The following PAPPA2 variants were observed in gnomAD, a reference collection of about 807,000 sequenced individuals.
PAPPA2 encodes the protein pappalysin-2.
A neutral mutation model predicts 176.4 loss-of-function variants in PAPPA2; 86 were observed. That is an observed-to-expected ratio of 0.49 (90% CI 0.41 to 0.58). The LOEUF (loss-of-function observed/expected upper bound fraction) is 0.58. Ranked by LOEUF, PAPPA2 falls within the 20% of genes least tolerant of loss-of-function variation. PAPPA2 has a pLI of 0.00. For missense variants in PAPPA2, 2,073 were observed against 2,256.9 expected, an observed-to-expected ratio of 0.92 and a Z score of 1.65; for synonymous variants, 809 against 852.2, an observed-to-expected ratio of 0.95 and a Z score of 0.88.
chr1:176,476,034 A>C lies in PAPPA2; in HGVS notation c.-917+12616A>C, dbSNP rs538728376. 1.9e-4 allele frequency among the ~76,000 whole-genome samples: 27 copies of C among 145,538 alleles called. No individual in the cohort carries two copies. In the East Asian group the frequency reaches 5.0e-3, roughly 27 times the overall value. On this transcript the variant is annotated intron_variant, in intron 1 of 22. Transcript: ENST00000367662. ...GTAGTTATTTGGTGCTGTGACTTTA[A>C]AAGGTTTTTGTAAATTTTGGAGCAA...
In PAPPA2 at chr1:176,808,706, T is replaced by G. The variant is rs1666015148; in HGVS notation, c.5202+8574T>G. Among the ~76,000 whole-genome samples the G allele has an allele frequency of 1.3e-5, 2 of 152,134 alleles. 1 individual carries two copies. The highest frequency in any genetic ancestry group is 4.1e-4 in the South Asian group (2 of 4,826). ...GTTTTGTCATTAATCTCACCATGGA[T>G]CTCATTCTACTTTCCCTTTAGGGTT... On this transcript the variant is annotated intron_variant, in intron 21 of 22. Coordinates refer to ENST00000367662, the MANE Select transcript of PAPPA2 (RefSeq NM_020318.3).
At position 176,699,475 on chromosome 1, in the gene PAPPA2, A is replaced by G. The variant is rs770492379; in HGVS notation, c.3122A>G (p.His1041Arg). ...IDAALLTSQP[H>R]SPLCSGCRPV... ...GCAGCACTCCTGACTTCTCAGCCCCACAGTCCCTTGTGCTCTGGCTGCAGG... is the reference window on the plus strand; with the variant it reads ...GCAGCACTCCTGACTTCTCAGCCCCGCAGTCCCTTGTGCTCTGGCTGCAGG... The change falls in exon 8 of 23, where the codon CAC becomes CGC. Residue 1041 changes from histidine to arginine, a missense_variant. This residue lies in a region of PAPPA2 where 1,196 missense variants were observed against 1,330.4 expected (regional missense o/e 0.90). Transcript: ENST00000367662. 157 of 1,613,950 alleles carry G rather than the reference A, an allele frequency of 9.7e-5. No homozygotes were observed. The highest frequency in any genetic ancestry group is 1.3e-4 in the Admixed American group (8 of 60,004).
intron 1 of PAPPA2, among the ~76,000 whole-genome samples, chr1:176,487,831 G>C (rs1300055234): frequency 6.6e-6 from 1 of 152,094 alleles, no homozygotes; most frequent in Non-Finnish European, 1.5e-5. Flanking sequence ...GGGAAGAAGT[G>C]AAAAATAAGA....
chr1:176,636,678 C>A (rs1294444423), intron 3 of PAPPA2, among the ~76,000 whole-genome samples: 1 of 152,070 alleles, frequency 6.6e-6, no homozygotes, highest in Non-Finnish European at 1.5e-5. Flanking sequence ...GGTGCTTGAA[C>A]TCTACAAAAA....
At chr1:176,783,805 G>A (rs1200201460) in intron 17 of PAPPA2, among the ~76,000 whole-genome samples, 1 of 152,184 alleles carries the variant, frequency 6.6e-6, no homozygotes, top group Admixed American at 6.5e-5. Flanking sequence ...CACCTTACTA[G>A]CATGAGAAGG....
chr1:176,699,710 G>A (rs1660559846), intron 8 of PAPPA2, 121 bp downstream of exon 8: 5 of 1,446,362 alleles, frequency 3.5e-6, no homozygotes, highest in Non-Finnish European at 2.8e-6. Context: ...GACTTTCAGA[G>A]GGGATTTTAC....
chr1:176,707,243 G>C (rs140273667), intron 10 of PAPPA2, among the ~76,000 whole-genome samples: 127 of 152,308 alleles, frequency 8.3e-4, no homozygotes, highest in African/African-American at 3.0e-3. Flanking sequence ...AAAGTCGAAT[G>C]TGATTACAAT....
At chr1:176,664,042 T>A (rs1393227967) in intron 3 of PAPPA2, among the ~76,000 whole-genome samples, 3 of 152,178 alleles carry the variant, frequency 2.0e-5, no homozygotes, top group African/African-American at 7.2e-5. Flanking sequence ...CAGGGTTTTT[T>A]AAAACAAATC....
At chr1:176,776,499 A>G (rs1367161753) in intron 17 of PAPPA2, among the ~76,000 whole-genome samples, 1 of 152,204 alleles carries the variant, frequency 6.6e-6, no homozygotes, top group Non-Finnish European at 1.5e-5. Context: ...GCTGAAATTA[A>G]TAGGCCCCAC....
chr1:176,561,097 C>T (rs975414982), intron 2 of PAPPA2, among the ~76,000 whole-genome samples: 1 of 151,174 alleles, frequency 6.6e-6, no homozygotes, highest in African/African-American at 2.4e-5. Context: ...GCAGGCCAAC[C>T]TGGCAACAGA....
chr1:176,835,331 C>T (rs1667231065), intron 21 of PAPPA2, among the ~76,000 whole-genome samples: 1 of 152,292 alleles, frequency 6.6e-6, no homozygotes, highest in South Asian at 2.1e-4. Flanking sequence ...TTCAAGGTGT[C>T]ATCTAGCCTT....
intron 1 of PAPPA2, among the ~76,000 whole-genome samples, chr1:176,540,637 A>G (rs1451426164): frequency 1.3e-5 from 2 of 152,194 alleles, no homozygotes; most frequent in Non-Finnish European, 2.9e-5. Flanking sequence ...AGCCACAATG[A>G]CTTAACTTTC....
In PAPPA2 at chr1:176,595,432, G is replaced by T. The variant is rs1207933932; in HGVS notation, c.1828G>T (p.Gly610Cys). 6.2e-7 allele frequency: 1 copy of T among 1,614,212 alleles called. No individual in the cohort carries two copies. ...GCACCCACTCACAGGCTATGATGGG[G>T]GTGACTGCCGCCTGCAGGGCCGCTG... ...CEHPLTGYDG[G>C]DCRLQGRCYS... is the part of the protein sequence containing the mutation. The change falls in exon 3 of 23, where the codon GGT (glycine) becomes TGT (cysteine). Residue 610 changes from glycine (G) to cysteine (C), a missense_variant. Around this residue, in one of 4 missense-constraint regions of PAPPA2, gnomAD observed 1,196 missense variants for 1,330.4 expected, o/e 0.90. Transcript: ENST00000367662.
At chr1:176,524,635 T>C (rs1649381496) in intron 1 of PAPPA2, among the ~76,000 whole-genome samples, 1 of 152,160 alleles carries the variant, frequency 6.6e-6, no homozygotes, top group Non-Finnish European at 1.5e-5. Flanking sequence ...CTGTTCAGCA[T>C]GGGGTAAAGA....
rs75283174 is a variant in PAPPA2, at chr1:176,527,570, C to A, written c.-916-27837C>A. On this transcript the variant is annotated intron_variant, in intron 1 of 22. Coordinates refer to ENST00000367662, the MANE Select transcript of PAPPA2 (RefSeq NM_020318.3). ...ATATGCTCACTGCATATGTTTTGGGCTGAATGATTGGTTAATATCTCAGAA... is the reference window on the plus strand; with the variant it reads ...ATATGCTCACTGCATATGTTTTGGGATGAATGATTGGTTAATATCTCAGAA... 1.3e-3 allele frequency among the ~76,000 whole-genome samples: 193 copies of A among 152,280 alleles called. 2 individuals are homozygous for A. The East Asian group carries it at 0.031, about 25-fold the overall frequency.
intron 15 of PAPPA2, among the ~76,000 whole-genome samples, chr1:176,768,906 A>C (rs906889358): frequency 2.0e-5 from 3 of 152,186 alleles, no homozygotes; most frequent in African/African-American, 7.2e-5. Context: ...CTGGCTTATT[A>C]ATAAGAGTGC....
At chr1:176,603,175 G>T (rs1573110829) in intron 3 of PAPPA2, among the ~76,000 whole-genome samples, 1 of 152,314 alleles carries the variant, frequency 6.6e-6, no homozygotes, top group Admixed American at 6.5e-5. Context: ...AAATACTTCG[G>T]CTTTTTCCTA....
chr1:176,576,885 T>G (rs1256266887), intron 2 of PAPPA2, among the ~76,000 whole-genome samples: 1 of 151,936 alleles, frequency 6.6e-6, no homozygotes, highest in African/African-American at 2.4e-5. Flanking sequence ...TGATTTTAGA[T>G]AGTGTAGAAA....
Position 176,708,530 on chromosome 1 carries a change from T to TAGAGAGAGAG in PAPPA2, c.3458-1433_3458-1424dup, listed in dbSNP as rs71565479. Among the ~76,000 whole-genome samples, 1,234 of 145,556 alleles carry TAGAGAGAGAG rather than the reference T, an allele frequency of 8.5e-3. 4 individuals are homozygous for TAGAGAGAGAG. Among genetic ancestry groups the TAGAGAGAGAG allele is most frequent in the South Asian group, 9.8e-3 (44 of 4,490 alleles). On this transcript the variant is annotated intron_variant, in intron 10 of 22. Transcript: ENST00000367662. ...AACAAAACAAAACTATACGTACATG[T>TAGAGAGAGAG]AGAGAGAGAGAGAGAGAGAGAGAGA...
Sources: gnomAD v4.1 joint callset for allele counts (sites outside exome capture counted in the v4.1 genomes callset) on GRCh38, gnomAD v4.1.1 for gene constraint, gnomAD v4.1.1 regional missense constraint, MANE v1.5 for transcripts, NCBI Gene and HGNC (gene_info 2026-07-23, HGNC 2026-07-21) for gene names.